IFFO2: variants seen among roughly 807,000 people sequenced by gnomAD.
IFFO2 encodes the protein intermediate filament family orphan 2.
Under a neutral mutation model 53.5 loss-of-function variants are expected in IFFO2, and 19 were observed. The observed-to-expected ratio is 0.36, with a 90% CI of 0.25 to 0.52. The LOEUF (loss-of-function observed/expected upper bound fraction) is 0.52, where lower values mean the gene tolerates loss of function less well. Among genes scored for constraint, IFFO2 ranks in the 20% least tolerant of loss-of-function variants. The pLI is 0.94. For missense variants in IFFO2, 570 were observed against 727.4 expected (o/e 0.78, Z 2.49); for synonymous variants, 303 against 313.6 (o/e 0.97, Z 0.36).
At chr1:18,955,582 C>T in intron 1 of IFFO2, 86 bp downstream of exon 1, 1 of 1,460,952 alleles carries the variant, frequency 6.8e-7, no homozygotes, top group Non-Finnish European at 9.0e-7. Flanking sequence ...AGCTGCCCGC[C>T]CGGCCCCCGT....
At chr1:18,909,723 G>A (rs1472655311) in intron 8 of IFFO2, among the ~76,000 whole-genome samples, 1 of 152,198 alleles carries the variant, frequency 6.6e-6, no homozygotes, top group Non-Finnish European at 1.5e-5. Context: ...GTGGAACGGT[G>A]AGTCAACGAA....
chr1:18,909,590 C>T (rs978181695), intron 8 of IFFO2, among the ~76,000 whole-genome samples: 4 of 152,134 alleles, frequency 2.6e-5, no homozygotes, highest in Non-Finnish European at 5.9e-5. Context: ...TTAGTTCTCA[C>T]GAGATCTGAT....
intron 1 of IFFO2, among the ~76,000 whole-genome samples, chr1:18,946,409 CTTTT>C (rs71577809): frequency 1.0e-5 from 1 of 96,538 alleles, no homozygotes; most frequent in Non-Finnish European, 2.1e-5. Context: ...TTGCCACTTT[CTTTT>C]TTTTTTTTTT....
At chr1:18,929,521 A>C (rs1044881090) in intron 1 of IFFO2, among the ~76,000 whole-genome samples, 2 of 152,188 alleles carry the variant, frequency 1.3e-5, no homozygotes, top group African/African-American at 4.8e-5. Flanking sequence ...ATCGCCAGGC[A>C]GGGGGGATGA....
Position 18,919,137 on chromosome 1 carries a change from G to A in IFFO2, c.822+541C>T, listed in dbSNP as rs985451138. 1.1e-4 allele frequency among the ~76,000 whole-genome samples: 17 copies of A among 152,162 alleles called. No homozygotes were observed. The highest frequency in any genetic ancestry group is 3.9e-4 in the African/African-American group (16 of 41,430). On this transcript the variant is annotated intron_variant, in intron 3 of 8. Transcript: ENST00000455833. The surrounding 1 kb of genome is among the most constrained non-coding windows in gnomAD (Gnocchi z 4.9). Reference sequence around the variant, plus strand: ...CACTGTTTGAAGGGGAGGAGACCTGGGTCCCCAGCAGCAAGGAGCCCTTTG... The same window carrying A: ...CACTGTTTGAAGGGGAGGAGACCTGAGTCCCCAGCAGCAAGGAGCCCTTTG...
intron 1 of IFFO2, among the ~76,000 whole-genome samples, chr1:18,931,681 C>T (rs956105304): frequency 2.6e-5 from 4 of 152,224 alleles, no homozygotes; most frequent in Non-Finnish European, 5.9e-5. Flanking sequence ...CTAATTCTCA[C>T]CACAGTTCTG....
In IFFO2 at chr1:18,955,777, C is replaced by T. The variant is rs1248031543; in HGVS notation, c.556G>A (p.Val186Met). The change falls in exon 1 of 9, where the codon GTG (valine) becomes ATG (methionine). Residue 186 changes from valine to methionine, a missense_variant. Transcript: ENST00000455833. ...ETVQGPGVSW[V>M]HPDGVGVQID... is the part of the protein sequence containing the mutation. ...TGCACGCCCACGCCGTCGGGGTGCA[C>T]CCACGACACGCCGGGGCCCTGCACG... 3.9e-6 allele frequency: 6 copies of T among 1,554,168 alleles called. No individual in the cohort carries two copies. Among genetic ancestry groups the T allele is most frequent in the Non-Finnish European group, 5.2e-6 (6 of 1,156,086 alleles).
chr1:18,908,465 G>A lies in IFFO2; in HGVS notation c.*96C>T. 1 of 839,660 alleles carries A rather than the reference G, an allele frequency of 1.2e-6. No individual in the cohort carries two copies. Among genetic ancestry groups the A allele is most frequent in the Non-Finnish European group, 2.0e-6 (1 of 504,108 alleles). 52.0% of individuals were successfully genotyped at this position (839,660 alleles called of 1,614,324 possible). ...AGGGCAGAGAAAGTCTGTGTGGTGT[G>A]GCTTCGAACCCCACTCCGAGGGGCC... On this transcript the variant is annotated 3_prime_UTR_variant, in exon 9 of 9. Coordinates refer to ENST00000455833, the MANE Select transcript of IFFO2 (RefSeq NM_001136265.2).
At chr1:18,945,861 C>A (rs1936581234) in intron 1 of IFFO2, among the ~76,000 whole-genome samples, 1 of 152,236 alleles carries the variant, frequency 6.6e-6, no homozygotes, top group Non-Finnish European at 1.5e-5. Context: ...CATGACCATT[C>A]CCATTTCCAG....
At chr1:18,923,969 G>A (rs1226184852) in intron 1 of IFFO2, among the ~76,000 whole-genome samples, 4 of 152,196 alleles carry the variant, frequency 2.6e-5, no homozygotes, top group Non-Finnish European at 4.4e-5. Flanking sequence ...CCCCCAGGAT[G>A]AGCTTGCACA....
chr1:18,913,869 C>T (rs1011118136), intron 5 of IFFO2, among the ~76,000 whole-genome samples: 7 of 152,248 alleles, frequency 4.6e-5, no homozygotes, highest in Middle Eastern at 3.4e-3. Flanking sequence ...GTCTCGCTGT[C>T]GCCCAGGCTG....
intron 1 of IFFO2, among the ~76,000 whole-genome samples, chr1:18,933,420 C>T (rs982622222): frequency 2.6e-5 from 4 of 152,210 alleles, no homozygotes; most frequent in African/African-American, 7.2e-5. Context: ...TCAGCAGCGA[C>T]GTGGGTGGCT....
At chr1:18,920,975 C>T in intron 2 of IFFO2, 86 bp downstream of exon 2, 1 of 1,231,028 alleles carries the variant, frequency 8.1e-7, no homozygotes. Flanking sequence ...CAAGAATTTC[C>T]TGGCTTTGCC....
chr1:18,948,790 A>G (rs1427044841), intron 1 of IFFO2, among the ~76,000 whole-genome samples: 1 of 152,110 alleles, frequency 6.6e-6, no homozygotes, highest in Admixed American at 6.5e-5. Context: ...ACCTCTGCCC[A>G]CCCCACAGGG....
In IFFO2 at chr1:18,919,865, G is replaced by A. The variant is rs1366030638; in HGVS notation, c.727-92C>T. 1.2e-5 allele frequency: 10 copies of A among 834,052 alleles called. No individual in the cohort carries two copies. The highest frequency in any genetic ancestry group is 5.4e-5 in the East Asian group (2 of 37,288). 51.7% of individuals were successfully genotyped at this position (834,052 alleles called of 1,614,324 possible). A position where few individuals can be genotyped will look rare whatever the true frequency, so the allele number is the denominator to read the frequency against. On this transcript the variant is annotated intron_variant, in intron 2 of 8. Transcript: ENST00000455833. This position sits in a 1 kb window ranked among gnomAD's most constrained non-coding sequence, Gnocchi z 4.9. ...CCTGAGTCCAGAGCCCTAGGCACCC[G>A]ATGTCCACCCCAGCTGGGCACCTGC...
At chr1:18,914,021 C>T (rs960819508) in intron 5 of IFFO2, among the ~76,000 whole-genome samples, 36 of 152,158 alleles carry the variant, frequency 2.4e-4, no homozygotes, top group Non-Finnish European at 4.0e-4. Flanking sequence ...TTAGTAGAGA[C>T]AGCGTTTCAC....
In IFFO2 at chr1:18,928,996, G is replaced by A. The variant is rs148874536; in HGVS notation, c.666-7875C>T. Among the ~76,000 whole-genome samples the A allele has an allele frequency of 1.8e-4, 27 of 152,306 alleles. No individual in the cohort carries two copies. The highest frequency in any genetic ancestry group is 2.2e-4 in the African/African-American group (9 of 41,570). The stretch of plus-strand genomic sequence containing the variant: ...GCCCTCTCCCAGAAGAAGCAGCAGC[G>A]TGGTGTGGGAGCATGCATTCATTCG... On this transcript the variant is annotated intron_variant, in intron 1 of 8. Transcript: ENST00000455833. This position sits in a 1 kb window ranked among gnomAD's most constrained non-coding sequence, Gnocchi z 4.9.
chr1:18,923,588 T>G (rs573425105), intron 1 of IFFO2, among the ~76,000 whole-genome samples: 2 of 152,310 alleles, frequency 1.3e-5, no homozygotes, highest in East Asian at 3.9e-4. Context: ...GGGGAAAGAA[T>G]TTCTAACTAA....
At position 18,955,750 on chromosome 1, in the gene IFFO2, T is replaced by TCTG; in HGVS notation, c.580_582dup (p.Gln194dup). 1.3e-6 allele frequency: 2 copies of TCTG among 1,581,240 alleles called. No homozygotes were observed. Among genetic ancestry groups the TCTG allele is most frequent in the Non-Finnish European group, 1.7e-6 (2 of 1,168,284 alleles). ...CGGATCTCCGGCGTGATGGTGTCGA[T>TCTG]CTGCACGCCCACGCCGTCGGGGTGC... is the stretch of plus-strand genomic sequence containing the variant. On this transcript the variant is annotated inframe_insertion, in exon 1 of 9. Transcript: ENST00000455833.
Sources: gnomAD v4.1 joint callset for allele counts (sites outside exome capture counted in the v4.1 genomes callset) on GRCh38, gnomAD v4.1.1 for gene constraint, Gnocchi (gnomAD v3.1) non-coding constraint, MANE v1.5 for transcripts, NCBI Gene and HGNC (gene_info 2026-07-23, HGNC 2026-07-21) for gene names.